Variants in RANBP17 observed in about 807,000 individuals in gnomAD.
The protein encoded by RANBP17 is ran-binding protein 17.
A neutral mutation model predicts 141.2 loss-of-function variants in RANBP17; 158 were observed. The ratio of observed to expected loss-of-function variants is 1.12; its 90% CI spans 0.98 to 1.28. RANBP17 has a LOEUF of 1.28. RANBP17 is among the 50% of genes most tolerant of loss of function. The pLI, the probability that RANBP17 is intolerant of heterozygous loss-of-function variation, is 0.00. For missense variants in RANBP17, 1,438 were observed against 1,290.7 expected (o/e 1.11, Z -1.75); for synonymous variants, 430 against 450.0 (o/e 0.96, Z 0.56).
intron 5 of RANBP17, among the ~76,000 whole-genome samples, chr5:170,907,760 A>C (rs569328834): frequency 2.0e-5 from 3 of 152,158 alleles, no homozygotes; most frequent in African/African-American, 4.8e-5. Context: ...TTGCAATTAT[A>C]ATGCTGTTTG....
rs141412113 is a variant in RANBP17, at chr5:170,945,864, A to G, written c.1469-7733A>G. Among the ~76,000 whole-genome samples, 446 of 152,290 alleles carry G rather than the reference A, an allele frequency of 2.9e-3. 1 individual carries two copies. The highest frequency in any genetic ancestry group is 9.8e-3 in the African/African-American group (408 of 41,574). Reference sequence around the variant, plus strand: ...TCCTTGGTAATGATCCCCAAAGCATATGCAGTCTCATCTGTGATAAAGACT... The same window carrying G: ...TCCTTGGTAATGATCCCCAAAGCATGTGCAGTCTCATCTGTGATAAAGACT... On this transcript the variant is annotated intron_variant, in intron 12 of 27. Transcript: ENST00000523189.
chr5:171,239,861 G>A (rs977225424), intron 22 of RANBP17, among the ~76,000 whole-genome samples: 3 of 152,124 alleles, frequency 2.0e-5, no homozygotes, highest in Non-Finnish European at 4.4e-5. Flanking sequence ...AAACCGAGCA[G>A]CATTTCTACC....
intron 12 of RANBP17, among the ~76,000 whole-genome samples, chr5:170,952,692 A>G (rs1276425394): frequency 2.6e-5 from 4 of 152,110 alleles, no homozygotes; most frequent in Non-Finnish European, 5.9e-5. Flanking sequence ...AATCAGAAAC[A>G]ATTGATTTCA....
intron 11 of RANBP17, among the ~76,000 whole-genome samples, chr5:170,923,311 C>T (rs1772628492): frequency 6.6e-6 from 1 of 152,160 alleles, no homozygotes; most frequent in African/African-American, 2.4e-5. Flanking sequence ...AATTAATTTA[C>T]TGCATACATG....
At chr5:170,945,211 C>T (rs1774652089) in intron 12 of RANBP17, among the ~76,000 whole-genome samples, 1 of 151,938 alleles carries the variant, frequency 6.6e-6, no homozygotes, top group Non-Finnish European at 1.5e-5. Flanking sequence ...TCGTAACTAG[C>T]TTTAATTGTA....
chr5:171,289,759 G>A (rs1768374593), intron 25 of RANBP17, among the ~76,000 whole-genome samples: 2 of 152,160 alleles, frequency 1.3e-5, no homozygotes, highest in Non-Finnish European at 2.9e-5. Context: ...GCTAGGTGCA[G>A]TGGCTCACGC....
At chr5:170,872,354 G>A (rs538537571) in intron 1 of RANBP17, among the ~76,000 whole-genome samples, 11 of 152,202 alleles carry the variant, frequency 7.2e-5, no homozygotes, top group South Asian at 2.1e-4. Context: ...GATTTTGCCC[G>A]TTGATTTTGT....
chr5:170,921,384 A>G (rs1190513162), intron 11 of RANBP17, among the ~76,000 whole-genome samples: 1 of 152,200 alleles, frequency 6.6e-6, no homozygotes, highest in Admixed American at 6.5e-5. Flanking sequence ...CAGGTTTGAC[A>G]AAGATCAGAT....
At position 171,019,482 on chromosome 5, in the gene RANBP17, C is replaced by T. The variant is rs369437172; in HGVS notation, c.1710+51105C>T. 4.1e-4 allele frequency among the ~76,000 whole-genome samples: 62 copies of T among 152,050 alleles called. 1 individual carries two copies. The South Asian group carries it at 0.012, about 31-fold the overall frequency. ...GGATTGGAGTTATTCCTGGTTTAGT[C>T]TTGGGAGGGTGTATGTGTCCAGGAA... is the stretch of plus-strand genomic sequence containing the variant. On this transcript the variant is annotated intron_variant, in intron 14 of 27. Transcript: ENST00000523189.
chr5:171,105,406 A>AAAT (rs1754747597), intron 14 of RANBP17, among the ~76,000 whole-genome samples: 1 of 145,832 alleles, frequency 6.9e-6, no homozygotes, highest in Admixed American at 7.0e-5. Flanking sequence ...AAAAAAAAAA[A>AAAT]TTTTCCTGGG....
chr5:171,285,878 C>T (rs1768144459), intron 25 of RANBP17, among the ~76,000 whole-genome samples: 1 of 152,198 alleles, frequency 6.6e-6, no homozygotes, highest in South Asian at 2.1e-4. Context: ...AGAATAGACA[C>T]ATTACATGCA....
chr5:171,284,137 G>C (rs1364141063), intron 25 of RANBP17, among the ~76,000 whole-genome samples: 2 of 151,898 alleles, frequency 1.3e-5, no homozygotes, highest in African/African-American at 4.8e-5. Flanking sequence ...TACTATAAAC[G>C]TGTGCTTGTA....
chr5:171,231,195 G>A (rs79376869), intron 22 of RANBP17, among the ~76,000 whole-genome samples: 6 of 145,594 alleles, frequency 4.1e-5, no homozygotes, highest in East Asian at 2.1e-4. Context: ...GCAATCCTCC[G>A]CACTCAGCCT....
At chr5:171,246,706 C>T (rs1236148595) in intron 24 of RANBP17, among the ~76,000 whole-genome samples, 1 of 152,192 alleles carries the variant, frequency 6.6e-6, no homozygotes, top group Non-Finnish European at 1.5e-5. Flanking sequence ...TTAGAATCTG[C>T]ATTTTAACAG....
In RANBP17 at chr5:171,265,866, C is replaced by A; in HGVS notation, c.2943+19C>A. 1 of 1,607,474 alleles carries A rather than the reference C, an allele frequency of 6.2e-7. No individual in the cohort carries two copies. The highest frequency in any genetic ancestry group is 8.5e-7 in the Non-Finnish European group (1 of 1,176,752). ...GCAGCAGGTAACTGGTGGTTGATCA[C>A]CTGGCTTAAGAAACAAGTGTTCCCA... On this transcript the variant is annotated intron_variant, in intron 25 of 27. Transcript: ENST00000523189.
chr5:170,914,672 A>G (rs982218732), intron 8 of RANBP17, among the ~76,000 whole-genome samples: 2 of 152,150 alleles, frequency 1.3e-5, no homozygotes, highest in African/African-American at 4.8e-5. Context: ...TGAATAAGAA[A>G]TGAAGGGGAT....
chr5:171,077,642 A>G (rs991731822), intron 14 of RANBP17, among the ~76,000 whole-genome samples: 1 of 152,338 alleles, frequency 6.6e-6, no homozygotes, highest in East Asian at 1.9e-4. Context: ...ATGGGCAGAA[A>G]GGAAAGGGTA....
chr5:171,121,798 T>A (rs1016817812), intron 14 of RANBP17, among the ~76,000 whole-genome samples: 9 of 152,078 alleles, frequency 5.9e-5, no homozygotes, highest in Admixed American at 2.6e-4. Context: ...CAGTGCTGGA[T>A]AAGTGCAATA....
chr5:171,019,783 C>G (rs1002443379), intron 14 of RANBP17, among the ~76,000 whole-genome samples: 1 of 151,642 alleles, frequency 6.6e-6, no homozygotes. Context: ...TTCAGTTCTT[C>G]TCTGGTCTTA....
Sources: allele counts gnomAD v4.1 joint callset (sites outside exome capture counted in the v4.1 genomes callset), GRCh38; gene constraint gnomAD v4.1.1; transcripts MANE v1.5; gene names NCBI Gene and HGNC (gene_info 2026-07-23, HGNC 2026-07-21).